HOOK3: variants seen among roughly 807,000 people sequenced by gnomAD.
The protein encoded by HOOK3 is hook microtubule tethering protein 3.
HOOK3 carries 24 observed loss-of-function variants against 116.3 expected under a neutral mutation model. That is an observed-to-expected ratio of 0.21 (90% confidence interval 0.15 to 0.29). HOOK3 has a LOEUF of 0.29. Among genes scored for constraint, HOOK3 ranks in the 10% least tolerant of loss-of-function variants. HOOK3 has a pLI of 1.00. For synonymous variants in HOOK3, 275 were observed against 283.0 expected, an observed-to-expected ratio of 0.97 and a Z score of 0.28; for missense variants, 632 against 830.2, an observed-to-expected ratio of 0.76 and a Z score of 2.93.
At chr8:42,991,706 A>G (rs1319766607) in intron 15 of HOOK3, among the ~76,000 whole-genome samples, 1 of 151,906 alleles carries the variant, frequency 6.6e-6, no homozygotes, top group Non-Finnish European at 1.5e-5. Context: ...CTGGCCAACA[A>G]TATGCCAACA....
intron 4 of HOOK3, among the ~76,000 whole-genome samples, chr8:42,938,253 A>C (rs1323520152): frequency 7.0e-6 from 1 of 143,612 alleles, no homozygotes; most frequent in Admixed American, 6.8e-5. Flanking sequence ...TGCTTGGTAA[A>C]TCTTCCTGCA....
At chr8:42,946,267 G>A (rs1808223518) in intron 5 of HOOK3, among the ~76,000 whole-genome samples, 1 of 152,134 alleles carries the variant, frequency 6.6e-6, no homozygotes, top group Non-Finnish European at 1.5e-5. Flanking sequence ...CAGCTTAAAG[G>A]GGGACAGCCT....
intron 5 of HOOK3, among the ~76,000 whole-genome samples, chr8:42,944,473 A>G (rs1808186959): frequency 6.6e-6 from 1 of 152,100 alleles, no homozygotes; most frequent in South Asian, 2.1e-4. Context: ...GCAAGAAAAC[A>G]TTGAAAAACC....
At chr8:42,898,150 A>C (rs1255712543) in intron 1 of HOOK3, among the ~76,000 whole-genome samples, 1 of 152,158 alleles carries the variant, frequency 6.6e-6, no homozygotes, top group Non-Finnish European at 1.5e-5. Flanking sequence ...TGTAGACGTC[A>C]CGATCCTGTG....
At chr8:42,939,668 C>T (rs12015258) in intron 4 of HOOK3, among the ~76,000 whole-genome samples, 2,835 of 151,050 alleles carry the variant, frequency 0.019, 42 homozygotes, top group Non-Finnish European at 0.022. Flanking sequence ...CGGGCAGAGA[C>T]GCTCCTCACT....
At chr8:42,930,613 T>C (rs572876510) in intron 4 of HOOK3, among the ~76,000 whole-genome samples, 1 of 152,292 alleles carries the variant, frequency 6.6e-6, no homozygotes, top group South Asian at 2.1e-4. Context: ...CTAGTTTTAG[T>C]TTAAATTTTG....
intron 2 of HOOK3, among the ~76,000 whole-genome samples, chr8:42,907,181 A>T (rs1309963526): frequency 6.6e-6 from 1 of 152,198 alleles, no homozygotes; most frequent in East Asian, 1.9e-4. Context: ...GATGATTTTA[A>T]AAGATTTACA....
At chr8:42,981,774 C>G (rs1387061422) in intron 13 of HOOK3, among the ~76,000 whole-genome samples, 1 of 150,110 alleles carries the variant, frequency 6.7e-6, no homozygotes, top group Admixed American at 6.7e-5. Context: ...ATCCCAGCTA[C>G]TCAGCAGGCT....
chr8:42,946,719 C>T (rs1808235195), intron 5 of HOOK3, among the ~76,000 whole-genome samples: 2 of 147,896 alleles, frequency 1.4e-5, no homozygotes, highest in Admixed American at 6.7e-5. Context: ...TATTTCTTTT[C>T]TCTAGCCCCA....
Position 42,950,467 on chromosome 8 carries a change from C to T in HOOK3, c.468+12C>T, listed in dbSNP as rs1586606214. 6 of 1,579,334 alleles carry T rather than the reference C, an allele frequency of 3.8e-6. No individual in the cohort carries two copies. The East Asian group carries it at 1.3e-4, about 35-fold the overall frequency. The stretch of plus-strand genomic sequence containing the variant: ...CAGCCATTCAAGAGGTATGTTGGAG[C>T]TTCATGCTTATAGTTTATGAAAAAT... On this transcript the variant is annotated intron_variant, in intron 6 of 21. Coordinates refer to ENST00000307602, the MANE Select transcript of HOOK3 (RefSeq NM_032410.4).
intron 13 of HOOK3, among the ~76,000 whole-genome samples, chr8:42,980,990 A>G (rs1191298652): frequency 6.6e-6 from 1 of 152,112 alleles, no homozygotes; most frequent in Non-Finnish European, 1.5e-5. Flanking sequence ...ACCAGCAGGC[A>G]GGCTCTTACC....
chr8:42,978,542 C>G (rs1225784030), intron 13 of HOOK3, among the ~76,000 whole-genome samples: 4 of 152,058 alleles, frequency 2.6e-5, no homozygotes, highest in Non-Finnish European at 5.9e-5. Context: ...TCCTGAGTAC[C>G]TGGGATTACA....
chr8:42,958,602 T>TG (rs1808480266), intron 7 of HOOK3, among the ~76,000 whole-genome samples: 1 of 149,634 alleles, frequency 6.7e-6, no homozygotes, highest in African/African-American at 2.4e-5. Context: ...GATAGTTTTT[T>TG]TTTTTTTTTT....
chr8:42,964,076 G>A, intron 8 of HOOK3, among the ~76,000 whole-genome samples: 1 of 152,104 alleles, frequency 6.6e-6, no homozygotes, highest in Non-Finnish European at 1.5e-5. Context: ...GCGTGGTGGT[G>A]GGCGCCTGTA....
intron 1 of HOOK3, among the ~76,000 whole-genome samples, chr8:42,902,146 A>C (rs1470983444): frequency 6.6e-6 from 1 of 152,194 alleles, no homozygotes; most frequent in Admixed American, 6.5e-5. Context: ...TAGGATTCCA[A>C]ATGCCAAACC....
intron 16 of HOOK3, among the ~76,000 whole-genome samples, chr8:42,999,818 G>A (rs951302774): frequency 6.6e-6 from 1 of 152,044 alleles, no homozygotes; most frequent in East Asian, 1.9e-4. Flanking sequence ...ATGAGGAGAC[G>A]GTAGAAAAAA....
chr8:42,914,599 C>G (rs1807495043), intron 2 of HOOK3, among the ~76,000 whole-genome samples: 1 of 152,178 alleles, frequency 6.6e-6, no homozygotes, highest in Non-Finnish European at 1.5e-5. Flanking sequence ...TCTTAGTCAG[C>G]TGAGATTCCA....
In HOOK3 at chr8:42,897,096, C is replaced by T; in HGVS notation, c.-36C>T. 1 of 1,239,102 alleles carries T rather than the reference C, an allele frequency of 8.1e-7. No individual in the cohort carries two copies. The highest frequency in any genetic ancestry group is 1.0e-6 in the Non-Finnish European group (1 of 986,892). The allele number at this position is 1,239,102 out of a possible 1,614,324, so 76.8% of individuals were successfully genotyped here. ...CCGACAGAGCGGCGGCGGTGTCTGG[C>T]CAGGCGGTAGGCGCTGCCTGGCCGC... On this transcript the variant is annotated 5_prime_UTR_variant, in exon 1 of 22. Coordinates refer to ENST00000307602, the MANE Select transcript of HOOK3 (RefSeq NM_032410.4).
chr8:42,939,317 C>G (rs1023812117), intron 4 of HOOK3, among the ~76,000 whole-genome samples: 1 of 152,044 alleles, frequency 6.6e-6, no homozygotes, highest in Non-Finnish European at 1.5e-5. Context: ...CCCCTCACCT[C>G]CCGGACGGGG....
Sources: gnomAD v4.1 joint callset for allele counts (sites outside exome capture counted in the v4.1 genomes callset) on GRCh38, gnomAD v4.1.1 for gene constraint, MANE v1.5 for transcripts, NCBI Gene and HGNC (gene_info 2026-07-23, HGNC 2026-07-21) for gene names.